KMT2D: variants seen among roughly 807,000 people sequenced by gnomAD.
The protein encoded by KMT2D is histone-lysine N-methyltransferase 2D.
A neutral mutation model predicts 512.7 loss-of-function variants in KMT2D; 55 were observed. The observed-to-expected ratio is 0.11, with a 90% CI of 0.09 to 0.13. The LOEUF (loss-of-function observed/expected upper bound fraction) is 0.13, where lower values mean the gene tolerates loss of function less well. Ranked by LOEUF, KMT2D falls within the 10% of genes least tolerant of loss-of-function variation. KMT2D has a pLI of 1.00. For synonymous variants in KMT2D, 2,995 were observed against 2,904.0 expected, an observed-to-expected ratio of 1.03 and a Z score of -1.01; for missense variants, 6,061 against 7,127.9, an observed-to-expected ratio of 0.85 and a Z score of 5.39.
rs763174410 is a variant in KMT2D at position 49,034,179 on chromosome 12, C to A, written c.10628G>T (p.Cys3543Phe). ...TTTTTTGGCAGTGCGCTGCTTGGCA[C>A]ACAGAGCCTTCCGGGACTTGCGGTG... ...GVHRKSRKALCAKQRTAKKAG... is the reference protein window; with the variant it reads ...GVHRKSRKALFAKQRTAKKAG... Residue 3543 changes from cysteine to phenylalanine, a missense_variant, in exon 39 of 55, where the codon TGT (cysteine) becomes TTT (phenylalanine). Around this residue, in one of 16 missense-constraint regions of KMT2D, gnomAD observed 50 missense variants for 119.9 expected, o/e 0.42. Coordinates refer to ENST00000301067, the MANE Select transcript of KMT2D (RefSeq NM_003482.4). 6.2e-7 allele frequency: 1 copy of A among 1,613,562 alleles called. No homozygotes were observed. Among genetic ancestry groups the A allele is most frequent in the Non-Finnish European group, 8.5e-7 (1 of 1,179,892 alleles).
In KMT2D at chr12:49,040,215, C is replaced by A. The variant is rs765221382; in HGVS notation, c.7555G>T (p.Val2519Phe). The change falls in exon 32 of 55, where the codon GTC becomes TTC. Residue 2519 changes from valine to phenylalanine, a missense_variant. This residue lies in a region of KMT2D where 710 missense variants were observed against 647.3 expected (regional missense o/e 1.10). Transcript: ENST00000301067. Reference sequence around the variant, plus strand: ...AATGCACCCGTCCCAGGGGACCGGACAAAATTGGGGGGCTGCCCACTTGGG... The same window carrying A: ...AATGCACCCGTCCCAGGGGACCGGAAAAAATTGGGGGGCTGCCCACTTGGG... ...KVPSGQPPNF[V>F]RSPGTGAFVG... 4 of 1,613,166 alleles carry A rather than the reference C, an allele frequency of 2.5e-6. No homozygotes were observed. The highest frequency in any genetic ancestry group is 1.1e-5 in the South Asian group (1 of 91,058).
chr12:49,048,925 A>G (rs1937729598), intron 13 of KMT2D, among the ~76,000 whole-genome samples, 156 bp from the exon 14 acceptor site: 1 of 152,240 alleles, frequency 6.6e-6, no homozygotes, highest in Non-Finnish European at 1.5e-5. Context: ...TCCCAAATTG[A>G]GCCTCAGTCT....
At chr12:49,047,805 C>T (rs931433698) in intron 15 of KMT2D, among the ~76,000 whole-genome samples, 160 bp downstream of exon 15, 3 of 152,262 alleles carry the variant, frequency 2.0e-5, no homozygotes, top group East Asian at 3.9e-4. Context: ...CGTTGAGTTC[C>T]AAAGTACTTT....
Position 49,020,555 on chromosome 12 carries a change from A to C in KMT2D, c.*1225T>G. ...GCCCCACAAGACTATGTACAATCCC[A>C]TGTATAAATAGATAAATACCCCCCA... On this transcript the variant is annotated 3_prime_UTR_variant, in exon 55 of 55. Coordinates refer to ENST00000301067, the MANE Select transcript of KMT2D (RefSeq NM_003482.4). 4.9e-6 allele frequency: 1 copy of C among 203,738 alleles called. No individual in the cohort carries two copies. 12.6% of individuals were successfully genotyped at this position (203,738 alleles called of 1,614,324 possible).
In KMT2D at chr12:49,038,768, C is replaced by A. The variant is rs2120503760; in HGVS notation, c.8588G>T (p.Gly2863Val). Residue 2863 changes from glycine to valine, a missense_variant, in exon 35 of 55, where the codon GGC becomes GTC. By Grantham distance (109) the Gly-to-Val change is moderately radical. Coordinates refer to ENST00000301067, the MANE Select transcript of KMT2D (RefSeq NM_003482.4). This position sits in a 1 kb window ranked among gnomAD's most constrained non-coding sequence, Gnocchi z 5.7. ...TGGACCAGGCACTGGCTCACCAGGGCCTGGCAGACGGGTGGAAATTCCCGC... is the reference window on the plus strand; with the variant it reads ...TGGACCAGGCACTGGCTCACCAGGGACTGGCAGACGGGTGGAAATTCCCGC... The part of the protein sequence containing the change: ...PLAGISTRLP[G>V]PGEPVPGPAG... The A allele has an allele frequency of 6.2e-7, 1 of 1,601,276 alleles. No individual in the cohort carries two copies. Among genetic ancestry groups the A allele is most frequent in the Admixed American group, 1.7e-5 (1 of 57,734 alleles).
rs2120514434 is a variant in KMT2D at position 49,039,675 on chromosome 12, C to T, written c.8046+49G>A. On this transcript the variant is annotated intron_variant, in intron 32 of 54. Transcript: ENST00000301067. The surrounding 1 kb of genome is among the most constrained non-coding windows in gnomAD (Gnocchi z 5.0). ...ATTCTACTCCAATCATAGGGCTGCCCCAGAGACAGGAGCGATATAGGGGGC... is the reference window on the plus strand; with the variant it reads ...ATTCTACTCCAATCATAGGGCTGCCTCAGAGACAGGAGCGATATAGGGGGC... 5.6e-6 allele frequency: 9 copies of T among 1,603,082 alleles called. No individual in the cohort carries two copies. The highest frequency in any genetic ancestry group is 7.7e-6 in the Non-Finnish European group (9 of 1,175,428).
chr12:49,044,539 AAG>A lies in KMT2D; in HGVS notation c.4964-19_4964-18del. 1 of 1,612,882 alleles carries A rather than the reference AAG, an allele frequency of 6.2e-7. No homozygotes were observed. Among genetic ancestry groups the A allele is most frequent in the Non-Finnish European group, 8.5e-7 (1 of 1,179,406 alleles). On this transcript the variant is annotated intron_variant, in intron 20 of 54. Transcript: ENST00000301067. This position sits in a 1 kb window ranked among gnomAD's most constrained non-coding sequence, Gnocchi z 6.4. ...CCACACCACCTGCGTATGGTGACAG[AAG>A]AGATGGAGGCAAATCAGAACTATAG...
chr12:49,044,622 C>A lies in KMT2D; in HGVS notation c.4964-100G>T. ...GAGAGCTGAATACCTTGCCTCAGAG[C>A]CACTTAGACGAGACAGCAGTGCTTA... On this transcript the variant is annotated intron_variant, in intron 20 of 54. Coordinates refer to ENST00000301067, the MANE Select transcript of KMT2D (RefSeq NM_003482.4). This position sits in a 1 kb window ranked among gnomAD's most constrained non-coding sequence, Gnocchi z 6.4. 6.4e-7 allele frequency: 1 copy of A among 1,560,688 alleles called. No homozygotes were observed. The highest frequency in any genetic ancestry group is 8.7e-7 in the Non-Finnish European group (1 of 1,148,548).
At chr12:49,028,754 C>T (rs2120384890) in intron 46 of KMT2D, 74 bp downstream of exon 46, 1 of 1,581,144 alleles carries the variant, frequency 6.3e-7, no homozygotes, top group Non-Finnish European at 8.6e-7. Flanking sequence ...CTACATTTTT[C>T]CTTATCCAGA....
chr12:49,057,260 C>T (rs1938467052), intron 1 of KMT2D, among the ~76,000 whole-genome samples: 1 of 152,214 alleles, frequency 6.6e-6, no homozygotes, highest in African/African-American at 2.4e-5. Flanking sequence ...CTTACTATAT[C>T]TTACCACTAC....
intron 37 of KMT2D, 40 bp downstream of exon 37, chr12:49,034,542 G>A (rs374232697): frequency 1.9e-6 from 3 of 1,611,744 alleles, no homozygotes; most frequent in African/African-American, 2.7e-5. Flanking sequence ...GTGGCCCAGT[G>A]GCATAAGACA....
chr12:49,049,490 T>G (rs1937787583), intron 12 of KMT2D, among the ~76,000 whole-genome samples, 192 bp downstream of exon 12: 1 of 152,250 alleles, frequency 6.6e-6, no homozygotes, highest in South Asian at 2.1e-4. Flanking sequence ...CCAATTCTAT[T>G]ACTGAGTAAC....
rs1433378692 is a variant in KMT2D, at chr12:49,046,134, C to G, written c.4624G>C (p.Asp1542His). The G allele has an allele frequency of 6.2e-7, 1 of 1,610,818 alleles. No homozygotes were observed. The highest frequency in any genetic ancestry group is 8.5e-7 in the Non-Finnish European group (1 of 1,178,462). ...CCTTCATCGGCTGCCTGCTCCACAT[C>G]GTCCTCTGTGAAGAGGCTCTCACAG... ...AGCESLFTED[D>H]VEQAADEGFD... is the part of the protein sequence containing the mutation. The change falls in exon 18 of 55, where the codon GAT becomes CAT. Residue 1542 changes from aspartate to histidine, a missense_variant. Transcript: ENST00000301067. This position sits in a 1 kb window ranked among gnomAD's most constrained non-coding sequence, Gnocchi z 4.2.
intron 14 of KMT2D, 91 bp from the exon 15 acceptor site, chr12:49,048,160 G>A (rs918823297): frequency 5.1e-5 from 44 of 855,364 alleles, no homozygotes; most frequent in African/African-American, 3.3e-4. Context: ...ACTGATTTGC[G>A]ACCAGAGTCA....
Position 49,041,027 on chromosome 12 carries a change from C to A in KMT2D, c.6743G>T (p.Arg2248Leu), listed in dbSNP as rs1228231026. Residue 2248 changes from arginine (R) to leucine (L), a missense_variant, in exon 32 of 55, where the codon CGC (arginine) becomes CTC (leucine). By Grantham distance (102) the Arg-to-Leu change is moderately radical. Coordinates refer to ENST00000301067, the MANE Select transcript of KMT2D (RefSeq NM_003482.4). This position sits in a 1 kb window ranked among gnomAD's most constrained non-coding sequence, Gnocchi z 5.4. ...PSTPDPFLKP[R>L]CPSLDNLAVP... is the part of the protein sequence containing the mutation. ...AGCCAAGTTATCCAGCGAGGGGCAG[C>A]GGGGTTTGAGGAATGGGTCAGGTGT... The A allele has an allele frequency of 7.0e-6, 11 of 1,573,110 alleles. No individual in the cohort carries two copies. The highest frequency in any genetic ancestry group is 2.4e-5 in the South Asian group (2 of 84,718).
At position 49,044,181 on chromosome 12, in the gene KMT2D, G is replaced by A. The variant is rs2120579242; in HGVS notation, c.5188+19C>T. On this transcript the variant is annotated intron_variant, in intron 22 of 54. Coordinates refer to ENST00000301067, the MANE Select transcript of KMT2D (RefSeq NM_003482.4). This position sits in a 1 kb window ranked among gnomAD's most constrained non-coding sequence, Gnocchi z 6.4. ...CCCCACCTTCTCCCAGGCCCCACTGGTGCCCTCACCCGTCTCACCCTCGTC... is the reference window on the plus strand; with the variant it reads ...CCCCACCTTCTCCCAGGCCCCACTGATGCCCTCACCCGTCTCACCCTCGTC... The A allele has an allele frequency of 1.2e-6, 2 of 1,608,546 alleles. No individual in the cohort carries two copies. The highest frequency in any genetic ancestry group is 1.7e-6 in the Non-Finnish European group (2 of 1,178,004).
chr12:49,036,024 T>G (rs1441039851), intron 35 of KMT2D: 1 of 152,262 alleles, frequency 6.6e-6, no homozygotes, highest in African/African-American at 2.4e-5. Flanking sequence ...TCTTCTGTAA[T>G]CAAAGATAAT....
At chr12:49,029,030 G>A in intron 45 of KMT2D, 31 bp downstream of exon 45, 1 of 1,604,836 alleles carries the variant, frequency 6.2e-7, no homozygotes, top group Non-Finnish European at 8.5e-7. Flanking sequence ...CAGGTGAACT[G>A]GGCCTGGCCC....
At chr12:49,036,034 T>C (rs947778371) in intron 35 of KMT2D, 2 of 152,258 alleles carry the variant, frequency 1.3e-5, no homozygotes, top group Admixed American at 6.5e-5. Context: ...TCAAAGATAA[T>C]AACAATACCT....
Sources: allele counts gnomAD v4.1 joint callset (sites outside exome capture counted in the v4.1 genomes callset), GRCh38; gene constraint gnomAD v4.1.1; regional missense constraint gnomAD v4.1.1; non-coding constraint Gnocchi (gnomAD v3.1); transcripts MANE v1.5; gene names NCBI Gene and HGNC (gene_info 2026-07-23, HGNC 2026-07-21).